Variants in LLGL2 observed in about 807,000 individuals in gnomAD.
LLGL2 encodes LLGL scribble cell polarity complex component 2, also known as LLGL2, scribble cell polarity complex component.
A neutral mutation model predicts 123.2 loss-of-function variants in LLGL2; 81 were observed. That is an observed-to-expected ratio of 0.66 (90% CI 0.55 to 0.79). The LOEUF is 0.79. Among genes scored for constraint, LLGL2 ranks in the 30% least tolerant of loss-of-function variants. The pLI is 0.00. For missense variants in LLGL2, 1,273 were observed against 1,414.6 expected, an observed-to-expected ratio of 0.90 and a Z score of 1.61; for synonymous variants, 577 against 594.1, an observed-to-expected ratio of 0.97 and a Z score of 0.42.
In LLGL2 at chr17:75,573,250, C is replaced by G; in HGVS notation, c.2697C>G (p.Ala899=). The change falls in exon 20 of 26, where the codon GCC becomes GCG. Residue 899 remains alanine, a synonymous_variant. Coordinates refer to ENST00000392550, the MANE Select transcript of LLGL2 (RefSeq NM_001031803.2). The part of the protein sequence containing the change: ...CIRREDVSGI[A]SCVFTKYGQG... Reference sequence around the variant, plus strand: ...GCCGGGAGGACGTCAGTGGCATCGCCTCCTGCGTCTTCACCAAATATGGCC... The same window carrying G: ...GCCGGGAGGACGTCAGTGGCATCGCGTCCTGCGTCTTCACCAAATATGGCC... The G allele has an allele frequency of 6.2e-7, 1 of 1,605,414 alleles. No homozygotes were observed. The highest frequency in any genetic ancestry group is 1.1e-5 in the South Asian group (1 of 90,780).
At position 75,529,072 on chromosome 17, in the gene LLGL2, C is replaced by T. The variant is rs181303197; in HGVS notation, c.-31+3247C>T. On this transcript the variant is annotated intron_variant, in intron 1 of 25. Coordinates refer to ENST00000392550, the MANE Select transcript of LLGL2 (RefSeq NM_001031803.2). ...TCAGGAGGCTGAGGCAGGAGAATCG[C>T]TTGAACCCAGGAGGCAGAGGTTGCA... 3.6e-4 allele frequency among the ~76,000 whole-genome samples: 55 copies of T among 151,948 alleles called. No individual in the cohort carries two copies. The South Asian group carries it at 6.9e-3, about 19-fold the overall frequency.
chr17:75,550,830 C>G (rs564059758), intron 2 of LLGL2, among the ~76,000 whole-genome samples: 129 of 148,292 alleles, frequency 8.7e-4, no homozygotes, highest in Non-Finnish European at 1.6e-3. Context: ...TAGGGGGCAA[C>G]TGGGGCACAG....
At chr17:75,541,715 CTTTTTTTTTTTTTTTT>C in intron 1 of LLGL2, among the ~76,000 whole-genome samples, 1 of 31,544 alleles carries the variant, frequency 3.2e-5, no homozygotes, top group South Asian at 1.6e-3. Flanking sequence ...TGTGGCTCTG[CTTTTTTTTTTTTTTTT>C]TTTTTTTTTT....
At chr17:75,543,282 C>CG in intron 1 of LLGL2, 115 bp from the exon 2 acceptor site, 2 of 649,032 alleles carry the variant, frequency 3.1e-6, no homozygotes, top group Admixed American at 5.6e-5. Context: ...GGCCTGGCCC[C>CG]GGGGTGGCAG....
rs768620901 is a variant in LLGL2 at position 75,569,110 on chromosome 17, C to T, written c.1455C>T (p.Asp485=). The part of the protein sequence containing the change: ...PNENFSAQGE[D]EWPPLRKVGS... ...AGAACTTCAGTGCCCAGGGCGAGGA[C>T]GAGTGGCCCCCACTCCGCAAGGTGA... Residue 485 remains aspartate, a synonymous_variant, in exon 13 of 26, where the codon GAC becomes GAT. Transcript: ENST00000392550. 4.3e-6 allele frequency: 7 copies of T among 1,613,384 alleles called. No homozygotes were observed. The highest frequency in any genetic ancestry group is 1.7e-5 in the Admixed American group (1 of 59,970).
chr17:75,539,393 AT>A (rs773575464), intron 1 of LLGL2, among the ~76,000 whole-genome samples: 67 of 148,858 alleles, frequency 4.5e-4, no homozygotes, highest in Non-Finnish European at 9.0e-4. Flanking sequence ...TTCCATGTAA[AT>A]TTGAAAAAAT....
chr17:75,570,613 C>G, intron 16 of LLGL2, 115 bp downstream of exon 16: 4 of 1,304,126 alleles, frequency 3.1e-6, no homozygotes, highest in South Asian at 2.9e-5. Context: ...AAACAAGATT[C>G]AGGGTCCAGG....
At chr17:75,557,034 C>CTTTTTTTTTTT (rs55649536) in intron 3 of LLGL2, among the ~76,000 whole-genome samples, 5 of 109,888 alleles carry the variant, frequency 4.6e-5, no homozygotes, top group African/African-American at 9.4e-5. Context: ...GTCTCAAAAA[C>CTTTTTTTTTTT]TTTTTTTTTT....
Position 75,568,994 on chromosome 17 carries a change from G to A in LLGL2, c.1339G>A (p.Val447Met), listed in dbSNP as rs1166864414. ...LLLTGHEDGT[V>M]RFWDASGVCL... ...TGCCCACAGGCACGAGGACGGCACGGTGCGGTTCTGGGATGCCTCGGGTGT... is the reference window on the plus strand; with the variant it reads ...TGCCCACAGGCACGAGGACGGCACGATGCGGTTCTGGGATGCCTCGGGTGT... Residue 447 changes from valine to methionine, a missense_variant, in exon 13 of 26, where the codon GTG (valine) becomes ATG (methionine). Transcript: ENST00000392550. 4 of 1,613,020 alleles carry A rather than the reference G, an allele frequency of 2.5e-6. No individual in the cohort carries two copies. Among genetic ancestry groups the A allele is most frequent in the African/African-American group, 2.7e-5 (2 of 74,936 alleles).
At chr17:75,550,165 C>T (rs1221077121) in intron 2 of LLGL2, among the ~76,000 whole-genome samples, 1 of 152,214 alleles carries the variant, frequency 6.6e-6, no homozygotes, top group South Asian at 2.1e-4. Flanking sequence ...GAGGGCTGGT[C>T]TTGGAATTCC....
At chr17:75,545,940 T>C (rs2054402946) in intron 2 of LLGL2, among the ~76,000 whole-genome samples, 1 of 152,142 alleles carries the variant, frequency 6.6e-6, no homozygotes, top group Admixed American at 6.5e-5. Context: ...TTGTAGATTA[T>C]TTAGCAGTGT....
At chr17:75,555,518 A>G (rs1232404045) in intron 2 of LLGL2, among the ~76,000 whole-genome samples, 1 of 152,158 alleles carries the variant, frequency 6.6e-6, no homozygotes, top group African/African-American at 2.4e-5. Flanking sequence ...GAATTTGGTG[A>G]CAGTAAGAGT....
At chr17:75,557,886 A>G in intron 3 of LLGL2, 1 of 492,068 alleles carries the variant, frequency 2.0e-6, no homozygotes, top group South Asian at 2.0e-5. Flanking sequence ...GACAGTTGCC[A>G]GGGTAGGGCT....
upstream of LLGL2, chr17:75,525,108 A>G (rs896040166): frequency 6.5e-6 from 1 of 152,892 alleles, no homozygotes; most frequent in Non-Finnish European, 1.5e-5. This position sits in a 1 kb window ranked among gnomAD's most constrained non-coding sequence, Gnocchi z 4.8. Context: ...CGTCGCTCCA[A>G]CCTCCTCCCT....
Position 75,569,253 on chromosome 17 carries a change from C to T in LLGL2, c.1509C>T (p.Pro503=), listed in dbSNP as rs1245234674. The change falls in exon 14 of 26, where the codon CCC becomes CCT. Residue 503 remains proline, a synonymous_variant. Transcript: ENST00000392550. ...CCTTTGACCCCTACAGTGATGACCCCCGGCTGGGCATCCAGAAGATCTTCC... is the reference window on the plus strand; with the variant it reads ...CCTTTGACCCCTACAGTGATGACCCTCGGCTGGGCATCCAGAAGATCTTCC... ...VGSFDPYSDD[P]RLGIQKIFLC... is the part of the protein sequence containing the mutation. 1 of 1,613,590 alleles carries T rather than the reference C, an allele frequency of 6.2e-7. No homozygotes were observed. Among genetic ancestry groups the T allele is most frequent in the Non-Finnish European group, 8.5e-7 (1 of 1,180,002 alleles).
Position 75,574,919 on chromosome 17 carries a change from A to G in LLGL2, c.*41A>G. On this transcript the variant is annotated 3_prime_UTR_variant, in exon 26 of 26. Coordinates refer to ENST00000392550, the MANE Select transcript of LLGL2 (RefSeq NM_001031803.2). ...GGCTGCGCGATGAGCACACACTACT[A>G]CTGATGGCCTTTCGGGGGTCCCTGC... 2 of 1,613,806 alleles carry G rather than the reference A, an allele frequency of 1.2e-6. No homozygotes were observed. Among genetic ancestry groups the G allele is most frequent in the Non-Finnish European group, 1.7e-6 (2 of 1,179,916 alleles).
In LLGL2 at chr17:75,567,754, C is replaced by A. The variant is rs576979968; in HGVS notation, c.1037-722C>A. On this transcript the variant is annotated intron_variant, in intron 10 of 25. Coordinates refer to ENST00000392550, the MANE Select transcript of LLGL2 (RefSeq NM_001031803.2). ...CCCAGGAGTTCAACACCAGCCTGAG[C>A]AACATGGCGAAACCCTGTCTCTACC... 3.0e-3 allele frequency among the ~76,000 whole-genome samples: 454 copies of A among 152,078 alleles called. 2 individuals carry two copies. Among genetic ancestry groups the A allele is most frequent in the African/African-American group, 0.01 (435 of 41,462 alleles).
At chr17:75,534,623 A>G (rs897221981) in intron 1 of LLGL2, among the ~76,000 whole-genome samples, 3 of 152,034 alleles carry the variant, frequency 2.0e-5, no homozygotes, top group African/African-American at 7.2e-5. Flanking sequence ...TGGGACTACA[A>G]GTGTATGCCA....
chr17:75,541,715 CTTTTTTTTTTTTT>C (rs56656168), intron 1 of LLGL2, among the ~76,000 whole-genome samples: 5 of 31,544 alleles, frequency 1.6e-4, no homozygotes, highest in Non-Finnish European at 2.1e-4. Flanking sequence ...TGTGGCTCTG[CTTTTTTTTTTTTT>C]TTTTTTTTTT....
Sources: allele counts gnomAD v4.1 joint callset (sites outside exome capture counted in the v4.1 genomes callset), GRCh38; gene constraint gnomAD v4.1.1; non-coding constraint Gnocchi (gnomAD v3.1); transcripts MANE v1.5; gene names NCBI Gene and HGNC (gene_info 2026-07-23, HGNC 2026-07-21).